The following ZMYM2 variants were observed in gnomAD, a reference collection of about 807,000 sequenced individuals.
ZMYM2 encodes the protein zinc finger MYM-type containing 2.
A neutral mutation model predicts 162.8 loss-of-function variants in ZMYM2; 56 were observed. That is an observed-to-expected ratio of 0.34 (90% CI 0.28 to 0.43). ZMYM2 has a LOEUF of 0.43. Among genes scored for constraint, ZMYM2 ranks in the 20% least tolerant of loss-of-function variants. ZMYM2 has a pLI of 1.00. For synonymous variants in ZMYM2, 510 were observed against 541.6 expected, an observed-to-expected ratio of 0.94 and a Z score of 0.81; for missense variants, 1,275 against 1,621.8, an observed-to-expected ratio of 0.79 and a Z score of 3.67.
chr13:19,891,009 G>A, the ZMYM2 span, among the ~76,000 whole-genome samples: 1 of 151,954 alleles, frequency 6.6e-6, no homozygotes, highest in African/African-American at 2.4e-5. Context: ...TAAAATTGGA[G>A]ATTGAATTGT....
At chr13:19,935,165 CACTCTGT>C in the ZMYM2 span, among the ~76,000 whole-genome samples, 1 of 152,090 alleles carries the variant, frequency 6.6e-6, no homozygotes, top group Non-Finnish European at 1.5e-5. Context: ...GACAGAGTTC[CACTCTGT>C]AGCCCAGGCT....
At chr13:19,981,173 G>A (rs1957284651) in intron 2 of ZMYM2, among the ~76,000 whole-genome samples, 1 of 152,142 alleles carries the variant, frequency 6.6e-6, no homozygotes, top group Non-Finnish European at 1.5e-5. Flanking sequence ...TCAGGAGGCT[G>A]AGGTGGGAGA....
At chr13:20,016,559 T>G (rs1951648241) in intron 6 of ZMYM2, among the ~76,000 whole-genome samples, 1 of 152,170 alleles carries the variant, frequency 6.6e-6, no homozygotes, top group Non-Finnish European at 1.5e-5. Context: ...TCCCTCCACC[T>G]TTTATCTGTG....
the ZMYM2 span, among the ~76,000 whole-genome samples, chr13:19,911,490 C>A: frequency 6.6e-6 from 1 of 152,156 alleles, no homozygotes; most frequent in Non-Finnish European, 1.5e-5. Flanking sequence ...TTTAGCCTTT[C>A]CCGAAGGGAC....
chr13:19,896,625 A>G, the ZMYM2 span, among the ~76,000 whole-genome samples: 1 of 147,380 alleles, frequency 6.8e-6, no homozygotes. Context: ...GGCGTGGTGG[A>G]GGGCGCCTGT....
the ZMYM2 span, among the ~76,000 whole-genome samples, chr13:19,873,844 C>T: frequency 1.3e-5 from 2 of 152,334 alleles, no homozygotes; most frequent in East Asian, 3.9e-4. Context: ...CAGCTGGGCT[C>T]ACCCCATACT....
chr13:20,042,174 C>T (rs1315406950), intron 12 of ZMYM2, among the ~76,000 whole-genome samples: 1 of 152,148 alleles, frequency 6.6e-6, no homozygotes, highest in African/African-American at 2.4e-5. Flanking sequence ...TATACTCTCC[C>T]CATCTCTTTC....
intron 12 of ZMYM2, among the ~76,000 whole-genome samples, chr13:20,044,611 C>T (rs991028873): frequency 6.6e-6 from 1 of 152,122 alleles, no homozygotes; most frequent in Non-Finnish European, 1.5e-5. Context: ...CACATTGCAT[C>T]AGTTTCTTCC....
At chr13:19,872,779 A>C in the ZMYM2 span, among the ~76,000 whole-genome samples, 1 of 152,064 alleles carries the variant, frequency 6.6e-6, no homozygotes, top group African/African-American at 2.4e-5. Flanking sequence ...CGGGTAGATC[A>C]CTTGAGGCCA....
chr13:19,884,556 G>A, the ZMYM2 span, among the ~76,000 whole-genome samples: 630 of 152,058 alleles, frequency 4.1e-3, 2 homozygotes, highest in African/African-American at 0.014. Flanking sequence ...CCGGGCAACA[G>A]AGAAGGAAAC....
chr13:20,066,816 A>G lies in ZMYM2; in HGVS notation c.3133-35A>G, dbSNP rs757651461. The G allele has an allele frequency of 4.0e-6, 6 of 1,496,792 alleles. No individual in the cohort carries two copies. The African/African-American group carries it at 5.7e-5, about 14-fold the overall frequency. The allele number at this position is 1,496,792 out of a possible 1,614,324, so 92.7% of individuals were successfully genotyped here. A position where few individuals can be genotyped will look rare whatever the true frequency, so the allele number is the denominator to read the frequency against. ...AAAGTAATGAAATAATGTAGGCTTT[A>G]AAAAAGATATTATTATGGTGTTTTT... On this transcript the variant is annotated intron_variant, in intron 19 of 24. Coordinates refer to ENST00000610343, the MANE Select transcript of ZMYM2 (RefSeq NM_197968.4).
chr13:19,965,076 T>TAA (rs1334487414), intron 2 of ZMYM2: 2 of 295,528 alleles, frequency 6.8e-6, no homozygotes, highest in South Asian at 3.3e-5. Flanking sequence ...CCCTAAAACT[T>TAA]AAAGTATAAT....
Position 20,083,714 on chromosome 13 carries a change from T to C in ZMYM2, c.3879T>C (p.Ile1293=). Residue 1293 remains isoleucine, a synonymous_variant, in exon 24 of 25, where the codon ATT becomes ATC. Transcript: ENST00000610343. ...HEDDEPVFEQ[I]ENTANPSRCP... The stretch of plus-strand genomic sequence containing the variant: ...ATGATGAGCCAGTATTTGAACAAAT[T>C]GAAAACACAGCCAATCCTTCCAGAT... 6.3e-7 allele frequency: 1 copy of C among 1,595,478 alleles called. No homozygotes were observed. Among genetic ancestry groups the C allele is most frequent in the Non-Finnish European group, 8.6e-7 (1 of 1,169,444 alleles).
intron 2 of ZMYM2, among the ~76,000 whole-genome samples, chr13:19,978,892 ACT>A (rs1844372229): frequency 6.6e-6 from 1 of 151,960 alleles, no homozygotes; most frequent in South Asian, 2.1e-4. Context: ...TGCTGGAAGA[ACT>A]CTCTTCAGCA....
At position 19,960,222 on chromosome 13, in the gene ZMYM2, A is replaced by T. The variant is rs551669460; in HGVS notation, c.-11+196A>T. Among the ~76,000 whole-genome samples the T allele has an allele frequency of 7.9e-5, 12 of 152,308 alleles. No individual in the cohort carries two copies. The South Asian group carries it at 2.5e-3, about 32-fold the overall frequency. Reference sequence around the variant, plus strand: ...GGCGCTGCTGTTTCCACCGCTGCAGACATCGCTCCTGCTGCTGCAATACCA... The same window carrying T: ...GGCGCTGCTGTTTCCACCGCTGCAGTCATCGCTCCTGCTGCTGCAATACCA... On this transcript the variant is annotated intron_variant, in intron 2 of 24. Coordinates refer to ENST00000610343, the MANE Select transcript of ZMYM2 (RefSeq NM_197968.4).
At chr13:20,065,575 G>A (rs959475167) in intron 19 of ZMYM2, among the ~76,000 whole-genome samples, 4 of 152,138 alleles carry the variant, frequency 2.6e-5, no homozygotes, top group East Asian at 1.9e-4. Context: ...AGGCTGAGGC[G>A]GGAAGATTGG....
the ZMYM2 span, among the ~76,000 whole-genome samples, chr13:19,937,976 TTATTCCATGGTGTATATGTGCTGCATAG>T: frequency 5.9e-5 from 9 of 152,082 alleles, no homozygotes; most frequent in African/African-American, 1.7e-4. Flanking sequence ...ACTCATCATA[TTATTCCATGGTGTATATGTGCTGCATAG>T]TATTCCATGG....
chr13:19,930,877 T>C, the ZMYM2 span, among the ~76,000 whole-genome samples: 32 of 149,668 alleles, frequency 2.1e-4, no homozygotes, highest in African/African-American at 3.2e-4. Flanking sequence ...CGGTGGCTCA[T>C]GCCTGTAATC....
At chr13:19,937,862 C>T in the ZMYM2 span, among the ~76,000 whole-genome samples, 1 of 144,110 alleles carries the variant, frequency 6.9e-6, no homozygotes, top group African/African-American at 2.6e-5. Flanking sequence ...TTGTTCAATT[C>T]CCACCTATGA....
Sources: gnomAD v4.1 joint callset for allele counts (sites outside exome capture counted in the v4.1 genomes callset) on GRCh38, gnomAD v4.1.1 for gene constraint, MANE v1.5 for transcripts, NCBI Gene and HGNC (gene_info 2026-07-23, HGNC 2026-07-21) for gene names.